Variants in KDM4C observed in about 807,000 individuals in gnomAD.
KDM4C encodes the protein lysine demethylase 4C.
KDM4C carries 81 observed loss-of-function variants against 129.3 expected under a neutral mutation model. The observed-to-expected ratio is 0.63, with a 90% CI of 0.52 to 0.75. KDM4C has a LOEUF of 0.75. KDM4C is among the 30% of genes least tolerant of loss of function. The pLI is 0.00. For synonymous variants in KDM4C, 573 were observed against 456.1 expected (o/e 1.26, Z -3.26); for missense variants, 1,457 against 1,304.0 (o/e 1.12, Z -1.81).
intron 15 of KDM4C, among the ~76,000 whole-genome samples, chr9:7,039,170 G>C (rs1321205121): frequency 1.3e-5 from 2 of 151,884 alleles, no homozygotes; most frequent in Non-Finnish European, 2.9e-5. Context: ...GTTTAGGTCT[G>C]TAAATCAATT....
At chr9:6,845,302 C>T (rs1412076020) in intron 4 of KDM4C, among the ~76,000 whole-genome samples, 1 of 152,132 alleles carries the variant, frequency 6.6e-6, no homozygotes, top group East Asian at 1.9e-4. Flanking sequence ...CTAGCCTTGA[C>T]CTTCTGGGCT....
At chr9:6,840,772 G>A (rs1254725180) in intron 4 of KDM4C, among the ~76,000 whole-genome samples, 1 of 152,208 alleles carries the variant, frequency 6.6e-6, no homozygotes, top group Non-Finnish European at 1.5e-5. Context: ...AAAATGAAAT[G>A]ATGTTTTGCT....
At chr9:7,096,645 C>G (rs927617457) in intron 17 of KDM4C, among the ~76,000 whole-genome samples, 2 of 152,204 alleles carry the variant, frequency 1.3e-5, no homozygotes, top group Non-Finnish European at 2.9e-5. Flanking sequence ...AGACACTTAG[C>G]TCGTATACTG....
At chr9:6,755,904 G>A (rs1480191391), upstream of KDM4C, among the ~76,000 whole-genome samples, 1 of 152,156 alleles carries the variant, frequency 6.6e-6, no homozygotes, top group Non-Finnish European at 1.5e-5. Context: ...AGCTTTTGAA[G>A]TGTTTTGACA....
intron 4 of KDM4C, among the ~76,000 whole-genome samples, chr9:6,829,901 A>T (rs766273341): frequency 6.6e-6 from 1 of 152,218 alleles, no homozygotes; most frequent in Non-Finnish European, 1.5e-5. Context: ...TTTCATCTTT[A>T]TTATAATTTT....
At chr9:6,962,889 G>C (rs372387037) in intron 8 of KDM4C, among the ~76,000 whole-genome samples, 2 of 152,144 alleles carry the variant, frequency 1.3e-5, no homozygotes, top group Non-Finnish European at 2.9e-5. Context: ...CATTATGCAT[G>C]TGAGAATTAT....
chr9:7,048,946 C>A, intron 16 of KDM4C, 146 bp from the exon 17 acceptor site: 48 of 456,928 alleles, frequency 1.1e-4, no homozygotes, highest in East Asian at 2.2e-4. Flanking sequence ...AGGAGGTTTA[C>A]AGTTCAGAAT....
chr9:7,116,747 C>T (rs1427576066), intron 18 of KDM4C, among the ~76,000 whole-genome samples: 1 of 152,184 alleles, frequency 6.6e-6, no homozygotes, highest in African/African-American at 2.4e-5. Context: ...ACTTCCCTTT[C>T]ACCGTACCTT....
At position 6,836,513 on chromosome 9, in the gene KDM4C, G is replaced by A. The variant is rs548282877; in HGVS notation, c.436-12994G>A. Among the ~76,000 whole-genome samples the A allele has an allele frequency of 3.3e-5, 5 of 152,308 alleles. No homozygotes were observed. The East Asian group carries it at 5.8e-4, about 18-fold the overall frequency. Reference sequence around the variant, plus strand: ...CAACAACTACAACATTAACAGCACTGCTCAGGGACCAACCACTCTTTTTTA... The same window carrying A: ...CAACAACTACAACATTAACAGCACTACTCAGGGACCAACCACTCTTTTTTA... On this transcript the variant is annotated intron_variant, in intron 4 of 21. Transcript: ENST00000381309.
chr9:7,119,512 T>G (rs1349272346), intron 18 of KDM4C, among the ~76,000 whole-genome samples: 1 of 152,112 alleles, frequency 6.6e-6, no homozygotes, highest in Admixed American at 6.6e-5. Flanking sequence ...TTTATGCTCA[T>G]CAACAACTTT....
chr9:6,949,088 C>G (rs1362628316), intron 8 of KDM4C, among the ~76,000 whole-genome samples: 1 of 149,456 alleles, frequency 6.7e-6, no homozygotes, highest in African/African-American at 2.5e-5. Flanking sequence ...ATCTCCCGGA[C>G]GGGGCGGCTG....
At chr9:6,858,771 C>G (rs908285274) in intron 5 of KDM4C, among the ~76,000 whole-genome samples, 4 of 150,626 alleles carry the variant, frequency 2.7e-5, no homozygotes, top group South Asian at 4.2e-4. Context: ...TTTTGTCTCC[C>G]CCCCCGGCAA....
chr9:6,833,937 C>G (rs879398863), intron 4 of KDM4C, among the ~76,000 whole-genome samples: 4 of 151,944 alleles, frequency 2.6e-5, no homozygotes, highest in Non-Finnish European at 5.9e-5. Context: ...AAGAAAATGC[C>G]TCTGTCGTTT....
intron 1 of KDM4C, among the ~76,000 whole-genome samples, chr9:6,743,176 A>T (rs1034742732): frequency 6.6e-6 from 1 of 152,188 alleles, no homozygotes; most frequent in Non-Finnish European, 1.5e-5. Flanking sequence ...TACAGCTGCT[A>T]GGTAATCAAT....
chr9:6,792,068 G>C (rs548782462), intron 1 of KDM4C, among the ~76,000 whole-genome samples: 1 of 151,468 alleles, frequency 6.6e-6, no homozygotes, highest in Non-Finnish European at 1.5e-5. Context: ...GTCTGGGCTC[G>C]GTAGCTCACA....
At chr9:6,987,052 A>C (rs528812752) in intron 11 of KDM4C, among the ~76,000 whole-genome samples, 1 of 152,190 alleles carries the variant, frequency 6.6e-6, no homozygotes, top group Non-Finnish European at 1.5e-5. Context: ...AGTCACAATC[A>C]TATCGACATT....
At chr9:6,907,454 C>G (rs1465949692) in intron 8 of KDM4C, among the ~76,000 whole-genome samples, 1 of 152,116 alleles carries the variant, frequency 6.6e-6, no homozygotes, top group Non-Finnish European at 1.5e-5. Context: ...TCAGTAGTAT[C>G]TGTACATGTA....
At chr9:6,905,476 T>C (rs1464991663) in intron 8 of KDM4C, among the ~76,000 whole-genome samples, 1 of 152,214 alleles carries the variant, frequency 6.6e-6, no homozygotes, top group African/African-American at 2.4e-5. Flanking sequence ...CATGGTTTCC[T>C]CCTTTAGTCT....
At chr9:7,129,885 T>G (rs1840430089) in intron 19 of KDM4C, among the ~76,000 whole-genome samples, 1 of 152,206 alleles carries the variant, frequency 6.6e-6, no homozygotes, top group Non-Finnish European at 1.5e-5. Context: ...TTGAGGAAAC[T>G]GAGGCACAAC....
Sources: gnomAD v4.1 joint callset for allele counts (sites outside exome capture counted in the v4.1 genomes callset) on GRCh38, gnomAD v4.1.1 for gene constraint, MANE v1.5 for transcripts, NCBI Gene and HGNC (gene_info 2026-07-23, HGNC 2026-07-21) for gene names.